The following RPA1 variants were observed in gnomAD, a reference collection of about 807,000 sequenced individuals.
The protein encoded by RPA1 is replication protein A 70 kDa DNA-binding subunit.
In RPA1, 49 loss-of-function variants were observed where a neutral mutation model predicts 83.0. The observed-to-expected ratio is 0.59, with a 90% confidence interval of 0.47 to 0.75. The LOEUF (loss-of-function observed/expected upper bound fraction) is 0.75, where lower values mean the gene tolerates loss of function less well. Among genes scored for constraint, RPA1 ranks in the 30% least tolerant of loss-of-function variants. RPA1 has a pLI of 0.00. For missense variants in RPA1, 693 were observed against 776.1 expected (o/e 0.89, Z 1.27); for synonymous variants, 279 against 281.8 (o/e 0.99, Z 0.10).
rs550539706 is a variant in RPA1 at position 1,855,728 on chromosome 17, G to A, written c.361+2539G>A. ...TGGAATAAGTTGGGAAGTGTGTTCC[G>A]TTCTTAAATTTTCTGCAGCAGTTTA... On this transcript the variant is annotated intron_variant, in intron 5 of 16. Coordinates refer to ENST00000254719, the MANE Select transcript of RPA1 (RefSeq NM_002945.5). Among the ~76,000 whole-genome samples, 36 of 151,986 alleles carry A rather than the reference G, an allele frequency of 2.4e-4. No homozygotes were observed. In the South Asian group the frequency reaches 4.2e-3, roughly 18 times the overall value.
intron 5 of RPA1, 120 bp from the exon 6 acceptor site, chr17:1,872,314 C>A (rs1913402382): frequency 5.6e-6 from 8 of 1,434,484 alleles, no homozygotes; most frequent in Non-Finnish European, 7.5e-6. Flanking sequence ...AATTCTAATC[C>A]ATGGGAGTCT....
Position 1,875,775 on chromosome 17 carries a change from T to G in RPA1, c.569T>G (p.Leu190Arg), listed in dbSNP as rs1913550899. ...TCCAAAGTGGTGCCCATTGCCAGCC[T>G]CACTCCTTACCAGTCCAAGTGAGTT... The part of the protein sequence containing the change: ...TQSKVVPIAS[L>R]TPYQSKWTIC... The change falls in exon 7 of 17, where the codon CTC becomes CGC. Residue 190 changes from leucine (L) to arginine (R), a missense_variant. Transcript: ENST00000254719. The G allele has an allele frequency of 3.1e-6, 5 of 1,614,090 alleles. No homozygotes were observed. Among genetic ancestry groups the G allele is most frequent in the Non-Finnish European group, 4.2e-6 (5 of 1,179,980 alleles).
At chr17:1,848,561 A>G (rs969893623) in intron 4 of RPA1, among the ~76,000 whole-genome samples, 2 of 151,892 alleles carry the variant, frequency 1.3e-5, no homozygotes, top group South Asian at 2.1e-4. Context: ...CAGTGAGTCA[A>G]GATTGCGCCA....
chr17:1,843,710 C>T (rs1336605196), intron 2 of RPA1, among the ~76,000 whole-genome samples: 2 of 150,920 alleles, frequency 1.3e-5, no homozygotes, highest in Non-Finnish European at 2.9e-5. Flanking sequence ...GTTTTACTTC[C>T]CTCTCTGTTG....
At chr17:1,866,309 C>CT (rs71150829) in intron 5 of RPA1, among the ~76,000 whole-genome samples, 181 of 150,084 alleles carry the variant, frequency 1.2e-3, no homozygotes, top group Admixed American at 3.5e-3. Flanking sequence ...GCTTAGAGAT[C>CT]TTTTTTTTTT....
chr17:1,876,682 G>A (rs1431728244), intron 7 of RPA1, among the ~76,000 whole-genome samples: 11 of 152,126 alleles, frequency 7.2e-5, no homozygotes, highest in Admixed American at 7.2e-4. Flanking sequence ...ATTTTTCCCT[G>A]TGAAATTATA....
At chr17:1,835,728 A>T (rs938802109) in intron 1 of RPA1, among the ~76,000 whole-genome samples, 37 of 152,254 alleles carry the variant, frequency 2.4e-4, no homozygotes, top group Admixed American at 1.7e-3. Context: ...TGCAAAAAAA[A>T]TTTTTGAAAT....
At chr17:1,848,347 C>T (rs532280539) in intron 4 of RPA1, among the ~76,000 whole-genome samples, 5 of 152,108 alleles carry the variant, frequency 3.3e-5, no homozygotes, top group East Asian at 2.0e-4. Context: ...CACGGTGGCT[C>T]ATGCCTGTAA....
Position 1,883,837 on chromosome 17 carries a change from G to A in RPA1, c.1267G>A (p.Asp423Asn). The A allele has an allele frequency of 6.2e-7, 1 of 1,614,148 alleles. No homozygotes were observed. The highest frequency in any genetic ancestry group is 8.5e-7 in the Non-Finnish European group (1 of 1,179,998). Reference sequence around the variant, plus strand: ...GTTTGACGCAGAAGGACAAGCCTTAGATGGTGTTTCCATCTCTGATCTAAA... The same window carrying A: ...GTTTGACGCAGAAGGACAAGCCTTAAATGGTGTTTCCATCTCTGATCTAAA... ...GWFDAEGQAL[D>N]GVSISDLKSG... is the part of the protein sequence containing the mutation. Residue 423 changes from aspartate (D) to asparagine (N), a missense_variant, in exon 13 of 17, where the codon GAT (aspartate) becomes AAT (asparagine). By Grantham distance (23) the Asp-to-Asn change is conservative (BLOSUM62 1). Coordinates refer to ENST00000254719, the MANE Select transcript of RPA1 (RefSeq NM_002945.5).
At chr17:1,881,079 G>A (rs1470270457) in intron 12 of RPA1, among the ~76,000 whole-genome samples, 1 of 152,146 alleles carries the variant, frequency 6.6e-6, no homozygotes, top group Non-Finnish European at 1.5e-5. Flanking sequence ...CTTTGGTGCC[G>A]ATCACATCTT....
At chr17:1,858,005 T>C (rs1394993903) in intron 5 of RPA1, 2 of 1,603,162 alleles carry the variant, frequency 1.2e-6, no homozygotes, top group African/African-American at 2.7e-5. Flanking sequence ...AATGTAATAA[T>C]GTGTAGGAAG....
intron 1 of RPA1, among the ~76,000 whole-genome samples, chr17:1,836,198 G>A (rs1597415319): frequency 6.6e-6 from 1 of 152,032 alleles, no homozygotes; most frequent in East Asian, 1.9e-4. Flanking sequence ...TGCAACCTCT[G>A]CCTCCCAGGT....
At chr17:1,882,373 T>C (rs1021432632) in intron 12 of RPA1, among the ~76,000 whole-genome samples, 12 of 152,304 alleles carry the variant, frequency 7.9e-5, no homozygotes, top group Admixed American at 2.6e-4. Flanking sequence ...TAAAATCTTT[T>C]GGGCCAGGCA....
chr17:1,895,073 G>A lies in RPA1; in HGVS notation c.1724G>A (p.Arg575Lys). 1 of 1,613,580 alleles carries A rather than the reference G, an allele frequency of 6.2e-7. No individual in the cohort carries two copies. The highest frequency in any genetic ancestry group is 1.7e-5 in the Admixed American group (1 of 59,960). Reference protein sequence around the residue: ...ANFRSFIFRVRVKVETYNDES... With the variant: ...ANFRSFIFRVKVKVETYNDES... ...TTCCGATCTTTCATATTCAGAGTCA[G>A]GGTCAAAGTGGAGACCTACAACGTA... The change falls in exon 16 of 17, where the codon AGG becomes AAG. Residue 575 changes from arginine to lysine, a missense_variant. Coordinates refer to ENST00000254719, the MANE Select transcript of RPA1 (RefSeq NM_002945.5).
chr17:1,891,668 C>T (rs1434272458), intron 14 of RPA1, 165 bp from the exon 15 acceptor site: 3 of 450,720 alleles, frequency 6.7e-6, no homozygotes, highest in Non-Finnish European at 1.2e-5. Context: ...GTTCCACCCG[C>T]CTTGGCCTCC....
Position 1,875,740 on chromosome 17 carries a change from G to C in RPA1, c.534G>C (p.Gly178=). Residue 178 remains glycine (G), a synonymous_variant, in exon 7 of 17, where the codon GGG becomes GGC. Coordinates refer to ENST00000254719, the MANE Select transcript of RPA1 (RefSeq NM_002945.5). ...GTCCCAGCCTGTCACACACTTCTGG[G>C]GGAACACAGTCCAAAGTGGTGCCCA... ...AAGPSLSHTS[G]GTQSKVVPIA... 6.2e-7 allele frequency: 1 copy of C among 1,614,130 alleles called. No individual in the cohort carries two copies. Among genetic ancestry groups the C allele is most frequent in the Non-Finnish European group, 8.5e-7 (1 of 1,180,026 alleles).
At chr17:1,875,087 A>T (rs930382358) in intron 6 of RPA1, among the ~76,000 whole-genome samples, 4 of 152,222 alleles carry the variant, frequency 2.6e-5, no homozygotes, top group Non-Finnish European at 5.9e-5. Flanking sequence ...CCCACTTAAC[A>T]TATCTTGACC....
chr17:1,833,173 C>T (rs1911687056), intron 1 of RPA1, among the ~76,000 whole-genome samples: 1 of 152,216 alleles, frequency 6.6e-6, no homozygotes, highest in South Asian at 2.1e-4. Context: ...GATCCACCCA[C>T]CTTGGCCTCC....
chr17:1,858,712 G>A (rs1026496871), intron 5 of RPA1, among the ~76,000 whole-genome samples: 3 of 151,808 alleles, frequency 2.0e-5, no homozygotes, highest in African/African-American at 7.3e-5. Flanking sequence ...TGATCTGCGT[G>A]CCTCAGCCTC....
Sources: allele counts gnomAD v4.1 joint callset (sites outside exome capture counted in the v4.1 genomes callset), GRCh38; gene constraint gnomAD v4.1.1; transcripts MANE v1.5; gene names NCBI Gene and HGNC (gene_info 2026-07-23, HGNC 2026-07-21).